The following PDE4D variants were observed in gnomAD, a reference collection of about 807,000 sequenced individuals.
PDE4D encodes phosphodiesterase 4D, also known as 3',5'-cyclic-AMP phosphodiesterase 4D.
Under a neutral mutation model 87.4 loss-of-function variants are expected in PDE4D, and 24 were observed. That is an observed-to-expected ratio of 0.27 (90% CI 0.20 to 0.39). PDE4D has a LOEUF of 0.39. Ranked by LOEUF, PDE4D falls within the 10% of genes least tolerant of loss-of-function variation. The probability of loss-of-function intolerance (pLI) is 1.00; values close to 1 mark genes in which losing one functional copy is unlikely to be tolerated. For missense variants in PDE4D, 714 were observed against 1,041.0 expected (o/e 0.69, Z 4.32); for synonymous variants, 384 against 383.2 (o/e 1.00, Z -0.02).
intron 1 of PDE4D, among the ~76,000 whole-genome samples, chr5:59,349,902 G>C (rs976892421): frequency 1.1e-4 from 17 of 152,062 alleles, no homozygotes; most frequent in Non-Finnish European, 1.3e-4. Flanking sequence ...TCCATGTGCT[G>C]TCATGATAAT....
intron 3 of PDE4D, among the ~76,000 whole-genome samples, chr5:59,954,660 T>G (rs1163689623): frequency 1.3e-5 from 2 of 152,184 alleles, no homozygotes; most frequent in African/African-American, 4.8e-5. Context: ...GCCCTGAAGG[T>G]TTCCCTTCTT....
At chr5:60,002,066 A>C (rs1342962850) in intron 2 of PDE4D, among the ~76,000 whole-genome samples, 1 of 152,002 alleles carries the variant, frequency 6.6e-6, no homozygotes, top group Non-Finnish European at 1.5e-5. Context: ...ATAATCTTGG[A>C]TATAAATGGA....
chr5:60,167,490 G>T (rs990308240), intron 2 of PDE4D, among the ~76,000 whole-genome samples: 1 of 151,590 alleles, frequency 6.6e-6, no homozygotes, highest in South Asian at 2.1e-4. Context: ...GGATGGTCTC[G>T]ATCTCCTGAC....
intron 1 of PDE4D, among the ~76,000 whole-genome samples, chr5:59,463,116 C>G (rs1359903818): frequency 6.6e-6 from 1 of 151,992 alleles, no homozygotes; most frequent in Admixed American, 6.6e-5. Context: ...TTAGGGGTCT[C>G]TTATTAGGAG....
chr5:59,444,068 C>T (rs745512728), intron 1 of PDE4D, among the ~76,000 whole-genome samples: 5 of 152,194 alleles, frequency 3.3e-5, no homozygotes, highest in Non-Finnish European at 5.9e-5. Flanking sequence ...TTTTCTGCAA[C>T]GACACGCTCT....
chr5:59,469,533 C>T (rs1186027054), intron 1 of PDE4D, among the ~76,000 whole-genome samples: 1 of 152,144 alleles, frequency 6.6e-6, no homozygotes, highest in African/African-American at 2.4e-5. Context: ...GCCCTCTACA[C>T]AAGGAAGGCA....
At chr5:60,363,716 C>T (rs935441048) in intron 1 of PDE4D, among the ~76,000 whole-genome samples, 1 of 152,036 alleles carries the variant, frequency 6.6e-6, no homozygotes, top group Non-Finnish European at 1.5e-5. Flanking sequence ...GACTTGAGAC[C>T]CAAATGAAAA....
intron 1 of PDE4D, among the ~76,000 whole-genome samples, chr5:59,343,089 TTCTC>T (rs1779029732): frequency 6.6e-6 from 1 of 152,020 alleles, no homozygotes; most frequent in African/African-American, 2.4e-5. Flanking sequence ...TTTTTCCTGA[TTCTC>T]TCCCTTCTCC....
intron 1 of PDE4D, among the ~76,000 whole-genome samples, chr5:60,501,106 C>A (rs1252588032): frequency 6.6e-6 from 1 of 152,118 alleles, no homozygotes; most frequent in East Asian, 1.9e-4. Flanking sequence ...CCCATTAACT[C>A]ATCATTTAGC....
chr5:59,002,651 C>G (rs1329466917), intron 6 of PDE4D, among the ~76,000 whole-genome samples: 1 of 152,164 alleles, frequency 6.6e-6, no homozygotes, highest in Non-Finnish European at 1.5e-5. Context: ...CAGAGCCAGA[C>G]CTGAGGGGCA....
chr5:59,406,870 A>C (rs1000242611), intron 1 of PDE4D, among the ~76,000 whole-genome samples: 7 of 152,168 alleles, frequency 4.6e-5, no homozygotes, highest in Non-Finnish European at 1.0e-4. Context: ...TTTGTTTCTT[A>C]AACTCTTTTT....
intron 1 of PDE4D, among the ~76,000 whole-genome samples, chr5:60,260,025 T>C (rs534045821): frequency 9.2e-5 from 14 of 152,126 alleles, no homozygotes; most frequent in African/African-American, 3.4e-4. Flanking sequence ...AGATTTACAA[T>C]TCTTTTTTTT....
intron 1 of PDE4D, among the ~76,000 whole-genome samples, chr5:60,507,949 G>A (rs1030193288): frequency 5.3e-5 from 8 of 152,136 alleles, no homozygotes; most frequent in Admixed American, 1.3e-4. Context: ...ATTTTAAGCC[G>A]GGACTCCAAT....
intron 1 of PDE4D, among the ~76,000 whole-genome samples, chr5:59,563,905 C>T (rs1820463320): frequency 6.6e-6 from 1 of 152,150 alleles, no homozygotes; most frequent in Non-Finnish European, 1.5e-5. Context: ...AACTATAGAG[C>T]TGTTGAAAGA....
chr5:59,080,552 G>A (rs1403505904), intron 5 of PDE4D, among the ~76,000 whole-genome samples: 1 of 152,026 alleles, frequency 6.6e-6, no homozygotes, highest in Non-Finnish European at 1.5e-5. Flanking sequence ...CTTGCCACTC[G>A]CTACTCAAAA....
chr5:59,608,098 C>T (rs1451512020), intron 1 of PDE4D, among the ~76,000 whole-genome samples: 2 of 152,120 alleles, frequency 1.3e-5, no homozygotes, highest in South Asian at 2.1e-4. Flanking sequence ...AGTGGCCATA[C>T]ATATTCCTTC....
chr5:59,238,499 T>G (rs1273628521), intron 1 of PDE4D, among the ~76,000 whole-genome samples: 1 of 152,138 alleles, frequency 6.6e-6, no homozygotes, highest in Non-Finnish European at 1.5e-5. Flanking sequence ...TATTTATGAA[T>G]GGAGAAGGAA....
At chr5:59,718,546 G>A (rs147365923) in intron 1 of PDE4D, among the ~76,000 whole-genome samples, 18 of 152,174 alleles carry the variant, frequency 1.2e-4, no homozygotes, top group Middle Eastern at 3.4e-3. Flanking sequence ...TCATTCAAAC[G>A]CACATAAAGT....
At chr5:60,011,682 T>G (rs1765032885) in intron 2 of PDE4D, among the ~76,000 whole-genome samples, 2 of 152,140 alleles carry the variant, frequency 1.3e-5, no homozygotes, top group Admixed American at 6.6e-5. Context: ...AGAAATGATG[T>G]GGCCCACAAA....
Sources: allele counts gnomAD v4.1 joint callset (sites outside exome capture counted in the v4.1 genomes callset), GRCh38; gene constraint gnomAD v4.1.1; transcripts MANE v1.5; gene names NCBI Gene and HGNC (gene_info 2026-07-23, HGNC 2026-07-21).